The following ZBTB34 variants were observed in gnomAD, a reference collection of about 807,000 sequenced individuals.
ZBTB34 encodes the protein zinc finger and BTB domain containing 34, also known as zinc finger and BTB domain-containing protein 34.
In ZBTB34, 1 loss-of-function variant was observed where a neutral mutation model predicts 33.4. That is an observed-to-expected ratio of 0.03 (90% CI 0.01 to 0.14). ZBTB34 has a LOEUF of 0.14. ZBTB34 is among the 10% of genes least tolerant of loss of function. ZBTB34 has a pLI of 1.00. For synonymous variants in ZBTB34, 283 were observed against 253.5 expected (o/e 1.12, Z -1.11); for missense variants, 406 against 657.2 (o/e 0.62, Z 4.18).
Position 126,879,597 on chromosome 9 carries a change from G to A in ZBTB34, c.198G>A (p.Ala66=), listed in dbSNP as rs765791838. The A allele has an allele frequency of 1.2e-5, 20 of 1,613,782 alleles. No homozygotes were observed. The highest frequency in any genetic ancestry group is 4.5e-5 in the East Asian group (2 of 44,900). ...CCCCATATTTCCGGGACCATTCAGC[G>A]TTAAGTACCATGAGTGGCTTGTCAA... The change falls in exon 2 of 2, where the codon GCG becomes GCA. Residue 66 remains alanine, a synonymous_variant. Coordinates refer to ENST00000319119, the Ensembl canonical transcript of ZBTB34. The surrounding 1 kb of genome is among the most constrained non-coding windows in gnomAD (Gnocchi z 6.4).
exon 2 of ZBTB34, chr9:126,883,163 G>GT (rs375804188): frequency 8.5e-5 from 14 of 165,134 alleles, no homozygotes; most frequent in East Asian, 5.8e-4. Flanking sequence ...ATGTTTGTGG[G>GT]TTTTTTTTTC....
At chr9:126,877,029 A>G (rs2033372138) in intron 1 of ZBTB34, among the ~76,000 whole-genome samples, 1 of 152,142 alleles carries the variant, frequency 6.6e-6, no homozygotes, top group Admixed American at 6.6e-5. Flanking sequence ...TTTCTGTATT[A>G]GTTATTTTCC....
At position 126,871,110 on chromosome 9, in the gene ZBTB34, T is replaced by C. The variant is rs555911896; in HGVS notation, c.-10-8280T>C. 2.6e-5 allele frequency among the ~76,000 whole-genome samples: 4 copies of C among 151,876 alleles called. No individual in the cohort carries two copies. In the South Asian group the frequency reaches 8.3e-4, roughly 32 times the overall value. On this transcript the variant is annotated intron_variant, in intron 1 of 1. Coordinates refer to ENST00000319119, the Ensembl canonical transcript of ZBTB34. ...TGGCATTATCAACTGAAATGAAAAA[T>C]TTACCACAATTCTGCTAGAAGTTGA...
chr9:126,864,533 T>C (rs2033177435), intron 1 of ZBTB34, among the ~76,000 whole-genome samples: 1 of 152,204 alleles, frequency 6.6e-6, no homozygotes, highest in Non-Finnish European at 1.5e-5. Context: ...TGTAACAGTT[T>C]GGATAAAAAT....
chr9:126,868,747 G>T (rs1160060934), intron 1 of ZBTB34, among the ~76,000 whole-genome samples: 4 of 152,186 alleles, frequency 2.6e-5, no homozygotes, highest in Non-Finnish European at 5.9e-5. Flanking sequence ...GCTGAACCCT[G>T]TGTCTTCTTG....
At chr9:126,866,291 A>G (rs944111483) in intron 1 of ZBTB34, among the ~76,000 whole-genome samples, 1 of 152,086 alleles carries the variant, frequency 6.6e-6, no homozygotes, top group Non-Finnish European at 1.5e-5. Context: ...TGGCTGAGCT[A>G]CGTGGCCTCC....
chr9:126,865,842 G>A lies in ZBTB34; in HGVS notation c.-11+5103G>A, dbSNP rs59448504. ...TCTACTAAAAACACAAAAATTAGCT[G>A]AATGTGGTGGCACATGCCTGTAATC... is the stretch of plus-strand genomic sequence containing the variant. On this transcript the variant is annotated intron_variant, in intron 1 of 1. Transcript: ENST00000319119. Among the ~76,000 whole-genome samples, 376 of 152,236 alleles carry A rather than the reference G, an allele frequency of 2.5e-3. 3 individuals carry two copies. Among genetic ancestry groups the A allele is most frequent in the African/African-American group, 8.6e-3 (358 of 41,538 alleles).
intron 1 of ZBTB34, among the ~76,000 whole-genome samples, chr9:126,865,175 G>C (rs948582491): frequency 9.2e-5 from 14 of 152,250 alleles, no homozygotes; most frequent in African/African-American, 3.1e-4. Context: ...ATAAGCCACC[G>C]TGCTAGATTT....
exon 2 of ZBTB34, chr9:126,882,787 GTTTTTGTTTTTGT>G (rs1029800993): frequency 6.0e-6 from 1 of 166,994 alleles, no homozygotes; most frequent in Non-Finnish European, 1.5e-5. Context: ...TGGTGGATTT[GTTTTTGTTTTTGT>G]TTTTTGTTTT....
intron 1 of ZBTB34, among the ~76,000 whole-genome samples, chr9:126,869,755 TAAGA>T (rs1336391522): frequency 3.3e-5 from 5 of 152,108 alleles, no homozygotes; most frequent in African/African-American, 4.8e-5. Flanking sequence ...TCTTTCTTTG[TAAGA>T]AAGTAAGATT....
At chr9:126,876,433 T>C (rs1194555679) in intron 1 of ZBTB34, among the ~76,000 whole-genome samples, 5 of 151,462 alleles carry the variant, frequency 3.3e-5, no homozygotes, top group African/African-American at 4.9e-5. Flanking sequence ...TTTGGTCATA[T>C]GGGTTTTCTC....
intron 1 of ZBTB34, among the ~76,000 whole-genome samples, chr9:126,875,826 A>G (rs1457544340): frequency 6.6e-6 from 1 of 152,080 alleles, no homozygotes. Flanking sequence ...ATGTTAAGTG[A>G]GAGTCGTGAT....
chr9:126,869,678 G>T (rs1011841800), intron 1 of ZBTB34, among the ~76,000 whole-genome samples: 13 of 152,160 alleles, frequency 8.5e-5, no homozygotes, highest in Non-Finnish European at 4.4e-5. Flanking sequence ...GACCAGTGGT[G>T]GCCTTGTGTG....
intron 1 of ZBTB34, among the ~76,000 whole-genome samples, chr9:126,874,953 A>G (rs956003894): frequency 1.3e-5 from 2 of 152,244 alleles, no homozygotes; most frequent in African/African-American, 4.8e-5. Context: ...AGTGCCTGAC[A>G]CTTAATACAT....
exon 2 of ZBTB34, chr9:126,884,169 A>G (rs2033487261): frequency 1.2e-5 from 2 of 167,054 alleles, no homozygotes; most frequent in Admixed American, 6.5e-5. Flanking sequence ...TTCTTGAGCT[A>G]CCTTTTCAAT....
rs768652979 is a variant in ZBTB34 at position 126,880,436 on chromosome 9, A to C, written c.1037A>C (p.Asp346Ala). ...CTGCAGGGCCTGGTGCAGGGCTCTG[A>C]CAGTGAAGCCATGATGAACAACCCC... The change falls in exon 2 of 2, where the codon GAC becomes GCC. Residue 346 changes from aspartate to alanine, a missense_variant. Transcript: ENST00000319119. The surrounding 1 kb of genome is among the most constrained non-coding windows in gnomAD (Gnocchi z 6.7). 6.2e-7 allele frequency: 1 copy of C among 1,613,586 alleles called. No homozygotes were observed. Among genetic ancestry groups the C allele is most frequent in the Admixed American group, 1.7e-5 (1 of 59,998 alleles).
chr9:126,872,865 A>C (rs1248607441), intron 1 of ZBTB34, among the ~76,000 whole-genome samples: 1 of 152,218 alleles, frequency 6.6e-6, no homozygotes, highest in Non-Finnish European at 1.5e-5. Context: ...CTCATATTGC[A>C]GAAAAATGGA....
At chr9:126,866,665 T>G (rs1398271129) in intron 1 of ZBTB34, among the ~76,000 whole-genome samples, 4 of 152,218 alleles carry the variant, frequency 2.6e-5, no homozygotes, top group Non-Finnish European at 4.4e-5. Context: ...TTTCTGCCTT[T>G]ATAACTGTCT....
intron 1 of ZBTB34, among the ~76,000 whole-genome samples, chr9:126,864,326 A>G (rs1208955694): frequency 6.6e-6 from 1 of 152,150 alleles, no homozygotes; most frequent in African/African-American, 2.4e-5. Flanking sequence ...CTTACTTACC[A>G]TACTGTACAC....
Sources: allele counts gnomAD v4.1 joint callset (sites outside exome capture counted in the v4.1 genomes callset), GRCh38; gene constraint gnomAD v4.1.1; non-coding constraint Gnocchi (gnomAD v3.1); transcripts MANE v1.5; gene names NCBI Gene and HGNC (gene_info 2026-07-23, HGNC 2026-07-21).